The following CACNA2D1 variants were observed in gnomAD, a reference collection of about 807,000 sequenced individuals.
CACNA2D1 encodes the protein voltage-dependent calcium channel subunit alpha-2/delta-1.
A neutral mutation model predicts 171.5 loss-of-function variants in CACNA2D1; 53 were observed. The observed-to-expected ratio is 0.31, with a 90% CI of 0.25 to 0.39. CACNA2D1 has a LOEUF of 0.39. Among genes scored for constraint, CACNA2D1 ranks in the 10% least tolerant of loss-of-function variants. The probability of loss-of-function intolerance (pLI) is 1.00; values close to 1 mark genes in which losing one functional copy is unlikely to be tolerated. For missense variants in CACNA2D1, 903 were observed against 1,299.8 expected (o/e 0.69, Z 4.69); for synonymous variants, 442 against 443.1 (o/e 1.00, Z 0.03).
intron 12 of CACNA2D1, among the ~76,000 whole-genome samples, chr7:82,019,557 T>C (rs1292223364): frequency 2.0e-5 from 3 of 152,212 alleles, no homozygotes; most frequent in Non-Finnish European, 4.4e-5. Context: ...ATCCCACTGA[T>C]TTGTAACTTT....
chr7:82,097,531 G>T (rs2129029691), intron 6 of CACNA2D1, among the ~76,000 whole-genome samples: 1 of 152,248 alleles, frequency 6.6e-6, no homozygotes, highest in Non-Finnish European at 1.5e-5. Context: ...ATGGTTTTCT[G>T]ACTTGGGTTC....
chr7:82,311,420 A>G (rs1408219007), intron 3 of CACNA2D1, among the ~76,000 whole-genome samples: 3 of 152,104 alleles, frequency 2.0e-5, no homozygotes, highest in Non-Finnish European at 4.4e-5. Flanking sequence ...ATCAAGCAGA[A>G]CAAGAATTAC....
intron 4 of CACNA2D1, among the ~76,000 whole-genome samples, chr7:82,137,707 T>TTAAAAAAAAAAAA (rs1770795225): frequency 1.3e-5 from 1 of 78,844 alleles, no homozygotes; most frequent in Non-Finnish European, 2.4e-5. Flanking sequence ...CCGTCTCTAC[T>TTAAAAAAAAAAAA]AAAAAAAAAA....
Position 82,172,640 on chromosome 7 carries a change from T to TTTTTTTTTTC in CACNA2D1, c.295-2032_295-2031insGAAAAAAAAA, listed in dbSNP as rs1491222972. Reference sequence around the variant, plus strand: ...GCTTTTTTTTTTTTTTTTTTTTTTTTGGTAAAGATGGGGTCTCAAACTCCT... The same window carrying TTTTTTTTTTC: ...GCTTTTTTTTTTTTTTTTTTTTTTTTTTTTTTTTTCGGTAAAGATGGGGTCTCAAACTCCT... On this transcript the variant is annotated intron_variant, in intron 3 of 38. Coordinates refer to ENST00000356860, the MANE Select transcript of CACNA2D1 (RefSeq NM_000722.4). 3.6e-4 allele frequency among the ~76,000 whole-genome samples: 28 copies of TTTTTTTTTTC among 77,278 alleles called. 1 individual carries two copies. The highest frequency in any genetic ancestry group is 1.4e-3 in the African/African-American group (27 of 19,976). The allele number at this position is 77,278 out of a possible 152,430, so 50.7% of individuals were successfully genotyped here. A position where few individuals can be genotyped will look rare whatever the true frequency, so the allele number is the denominator to read the frequency against.
intron 3 of CACNA2D1, among the ~76,000 whole-genome samples, chr7:82,328,163 A>G (rs781078982): frequency 2.6e-5 from 4 of 152,088 alleles, no homozygotes; most frequent in Non-Finnish European, 5.9e-5. Flanking sequence ...AGTAATCTCA[A>G]TTTTGCAAAA....
intron 18 of CACNA2D1, among the ~76,000 whole-genome samples, chr7:82,003,663 T>C (rs1473154930): frequency 1.3e-5 from 2 of 150,750 alleles, no homozygotes; most frequent in African/African-American, 4.9e-5. Flanking sequence ...CTTCTGTCTA[T>C]GATATATGTT....
intron 3 of CACNA2D1, among the ~76,000 whole-genome samples, chr7:82,272,087 G>A (rs1054699797): frequency 2.0e-5 from 3 of 152,096 alleles, no homozygotes; most frequent in African/African-American, 7.2e-5. Context: ...TAATTTATGA[G>A]AGAAAACTTC....
chr7:82,163,922 T>C (rs773558639), intron 4 of CACNA2D1, among the ~76,000 whole-genome samples: 34 of 151,956 alleles, frequency 2.2e-4, no homozygotes, highest in Middle Eastern at 3.2e-3. Flanking sequence ...TTATCAAGCA[T>C]CTTGCAGTAA....
intron 3 of CACNA2D1, among the ~76,000 whole-genome samples, chr7:82,292,413 C>G (rs1327930856): frequency 6.6e-6 from 1 of 152,136 alleles, no homozygotes; most frequent in Non-Finnish European, 1.5e-5. Flanking sequence ...TCCATGTATT[C>G]CTTTTACTGT....
Position 82,443,674 on chromosome 7 carries a change from G to T in CACNA2D1, c.-215C>A. Reference sequence around the variant, plus strand: ...GGCGGTGGCGGGCGGACCCACTAGCGTGCGTCGGCTGCTCCGCGCCGCGGC... The same window carrying T: ...GGCGGTGGCGGGCGGACCCACTAGCTTGCGTCGGCTGCTCCGCGCCGCGGC... On this transcript the variant is annotated 5_prime_UTR_variant, in exon 1 of 39. Transcript: ENST00000356860. 1 of 1,247,188 alleles carries T rather than the reference G, an allele frequency of 8.0e-7. No individual in the cohort carries two copies. Among genetic ancestry groups the T allele is most frequent in the Non-Finnish European group, 1.0e-6 (1 of 1,000,020 alleles). The allele number at this position is 1,247,188 out of a possible 1,614,324, so 77.3% of individuals were successfully genotyped here. A position where few individuals can be genotyped will look rare whatever the true frequency, so the allele number is the denominator to read the frequency against.
intron 1 of CACNA2D1, among the ~76,000 whole-genome samples, chr7:82,354,260 T>G (rs1820179833): frequency 6.6e-6 from 1 of 152,204 alleles, no homozygotes; most frequent in Non-Finnish European, 1.5e-5. Context: ...TTTCTCTTGT[T>G]ATCTATCTTT....
intron 1 of CACNA2D1, among the ~76,000 whole-genome samples, chr7:82,384,874 T>C (rs1824152321): frequency 1.3e-5 from 2 of 152,190 alleles, no homozygotes. Flanking sequence ...TTACTGAATG[T>C]TGATGCAAGA....
chr7:82,053,985 A>G (rs1463049690), intron 10 of CACNA2D1, among the ~76,000 whole-genome samples: 1 of 152,232 alleles, frequency 6.6e-6, no homozygotes, highest in Non-Finnish European at 1.5e-5. Context: ...CACAGAAACC[A>G]CAAGAAGATA....
rs996590769 is a variant in CACNA2D1 at position 82,170,716 on chromosome 7, A to T, written c.295-107T>A. ...CAATTTTGAGGACATAAAAAGCAGA[A>T]GATGATCCTTATTTATGATTCATAA... On this transcript the variant is annotated intron_variant, in intron 3 of 38. Transcript: ENST00000356860. 1.2e-5 allele frequency: 11 copies of T among 944,376 alleles called. No individual in the cohort carries two copies. In the Admixed American group the frequency reaches 1.6e-4, roughly 13 times the overall value. 58.5% of individuals were successfully genotyped at this position (944,376 alleles called of 1,614,324 possible). A position where few individuals can be genotyped will look rare whatever the true frequency, so the allele number is the denominator to read the frequency against.
chr7:82,119,312 G>C (rs564782923), intron 5 of CACNA2D1, among the ~76,000 whole-genome samples: 1 of 152,060 alleles, frequency 6.6e-6, no homozygotes, highest in Admixed American at 6.6e-5. Flanking sequence ...TTGATAAAAC[G>C]AAACTGACAC....
At chr7:82,188,125 A>T (rs1194059873) in intron 3 of CACNA2D1, among the ~76,000 whole-genome samples, 1 of 152,128 alleles carries the variant, frequency 6.6e-6, no homozygotes, top group Non-Finnish European at 1.5e-5. Flanking sequence ...CTGCCCTCAT[A>T]AACTAATCAC....
rs1985441 is a variant in CACNA2D1, at chr7:82,290,831, G to T, written c.294+44304C>A. ...GGCTGGTCTCAAACTCCCGACCTCA[G>T]GTGATCCACTCACCTCGGCCTCCCA... On this transcript the variant is annotated intron_variant, in intron 3 of 38. Coordinates refer to ENST00000356860, the MANE Select transcript of CACNA2D1 (RefSeq NM_000722.4). Among the ~76,000 whole-genome samples the T allele has an allele frequency of 3.3e-4, 50 of 151,674 alleles. 1 individual carries two copies. The South Asian group carries it at 6.5e-3, about 20-fold the overall frequency.
At chr7:82,299,284 T>C (rs951560042) in intron 3 of CACNA2D1, among the ~76,000 whole-genome samples, 10 of 152,104 alleles carry the variant, frequency 6.6e-5, no homozygotes, top group African/African-American at 2.2e-4. Flanking sequence ...AAGTGGAAAC[T>C]TTTACTTTCT....
rs890767116 is a variant in CACNA2D1 at position 82,053,012 on chromosome 7, G to A, written c.879+7416C>T. ...AATGGCCTGTAATCCCAGCACATTC[G>A]GAGGCAGAGGCGGGCGGATCACAAG... On this transcript the variant is annotated intron_variant, in intron 10 of 38. Transcript: ENST00000356860. 5.9e-5 allele frequency among the ~76,000 whole-genome samples: 9 copies of A among 152,172 alleles called. No individual in the cohort carries two copies. In the South Asian group the frequency reaches 6.2e-4, roughly 11 times the overall value.
Sources: gnomAD v4.1 joint callset for allele counts (sites outside exome capture counted in the v4.1 genomes callset) on GRCh38, gnomAD v4.1.1 for gene constraint, MANE v1.5 for transcripts, NCBI Gene and HGNC (gene_info 2026-07-23, HGNC 2026-07-21) for gene names.